Variants in FBXO42 observed in about 807,000 individuals in gnomAD.
FBXO42 encodes the protein F-box protein 42.
FBXO42 carries 12 observed loss-of-function variants against 71.7 expected under a neutral mutation model. That is an observed-to-expected ratio of 0.17 (90% confidence interval 0.11 to 0.27). The LOEUF (loss-of-function observed/expected upper bound fraction) is 0.27. FBXO42 is among the 10% of genes least tolerant of loss of function. The pLI, the probability that FBXO42 is intolerant of heterozygous loss-of-function variation, is 1.00. For synonymous variants in FBXO42, 325 were observed against 327.5 expected, an observed-to-expected ratio of 0.99 and a Z score of 0.08; for missense variants, 707 against 911.9, an observed-to-expected ratio of 0.78 and a Z score of 2.89.
chr1:16,273,583 A>G (rs1569841728), intron 4 of FBXO42, among the ~76,000 whole-genome samples: 1 of 151,902 alleles, frequency 6.6e-6, no homozygotes, highest in Middle Eastern at 3.4e-3. Context: ...AACAACTTAA[A>G]AAAAAAAAAA....
At chr1:16,279,530 A>AT (rs2081938442) in intron 4 of FBXO42, among the ~76,000 whole-genome samples, 1 of 152,216 alleles carries the variant, frequency 6.6e-6, no homozygotes, top group Non-Finnish European at 1.5e-5. Flanking sequence ...AATCATGTTG[A>AT]TATCTAAAAA....
At chr1:16,334,355 C>A (rs1331292710) in intron 1 of FBXO42, among the ~76,000 whole-genome samples, 1 of 150,268 alleles carries the variant, frequency 6.7e-6, no homozygotes, top group Non-Finnish European at 1.5e-5. Flanking sequence ...ATGGCGTGAA[C>A]CCGGGAGGCG....
intron 1 of FBXO42, among the ~76,000 whole-genome samples, chr1:16,317,605 A>G (rs983533757): frequency 2.0e-3 from 157 of 79,856 alleles, no homozygotes; most frequent in African/African-American, 7.0e-3. Context: ...AAACAAGCAA[A>G]CAAACAAACA....
intron 1 of FBXO42, among the ~76,000 whole-genome samples, chr1:16,340,807 C>A (rs147278771): frequency 3.3e-5 from 5 of 152,226 alleles, no homozygotes; most frequent in Non-Finnish European, 7.3e-5. Context: ...TATTATAGAA[C>A]AACTGAACCC....
intron 4 of FBXO42, among the ~76,000 whole-genome samples, chr1:16,267,067 A>C (rs2081784363): frequency 6.6e-6 from 1 of 152,204 alleles, no homozygotes; most frequent in Non-Finnish European, 1.5e-5. Context: ...ACACTTCAAA[A>C]TTCATGAGTA....
chr1:16,287,715 G>A (rs1225626564), intron 4 of FBXO42, among the ~76,000 whole-genome samples: 3 of 152,178 alleles, frequency 2.0e-5, no homozygotes. Context: ...CTCCTGAAGT[G>A]CTAGGATTAC....
At chr1:16,327,437 A>G (rs568755251) in intron 1 of FBXO42, among the ~76,000 whole-genome samples, 6 of 152,328 alleles carry the variant, frequency 3.9e-5, no homozygotes, top group Admixed American at 2.0e-4. Flanking sequence ...TCAGAAGCCT[A>G]GCTGAAAAAC....
intron 4 of FBXO42, among the ~76,000 whole-genome samples, chr1:16,263,548 C>T (rs2081737270): frequency 6.6e-6 from 1 of 151,548 alleles, no homozygotes; most frequent in South Asian, 2.1e-4. Context: ...ATGGTGAAGC[C>T]CCGTCTCTAC....
At chr1:16,307,638 A>C (rs2082265702) in intron 2 of FBXO42, among the ~76,000 whole-genome samples, 1 of 152,232 alleles carries the variant, frequency 6.6e-6, no homozygotes, top group South Asian at 2.1e-4. Context: ...AGCATACAAC[A>C]ATGAACAAGT....
chr1:16,333,919 T>C (rs1569938103), intron 1 of FBXO42, among the ~76,000 whole-genome samples: 1 of 152,194 alleles, frequency 6.6e-6, no homozygotes, highest in African/African-American at 2.4e-5. Context: ...TGACCTTCTA[T>C]AAATTTGCTA....
At chr1:16,282,470 C>T (rs1286543141) in intron 4 of FBXO42, among the ~76,000 whole-genome samples, 1 of 150,782 alleles carries the variant, frequency 6.6e-6, no homozygotes, top group Admixed American at 6.6e-5. Flanking sequence ...AGGTGATCCA[C>T]CCGCCTCGGC....
rs376912380 is a variant in FBXO42, at chr1:16,260,565, A to G, written c.503-3806T>C. 2.7e-4 allele frequency among the ~76,000 whole-genome samples: 41 copies of G among 152,278 alleles called. 1 individual carries two copies. The East Asian group carries it at 5.4e-3, about 20-fold the overall frequency. On this transcript the variant is annotated intron_variant, in intron 4 of 9. Transcript: ENST00000375592. ...ATGTATTAATTAATTTAATCCTTCT[A>G]AAATTCCTAGTTTTATTCCTATTTT...
chr1:16,331,051 C>T lies in FBXO42; in HGVS notation c.-17-15616G>A, dbSNP rs189036090. Among the ~76,000 whole-genome samples, 33 of 150,370 alleles carry T rather than the reference C, an allele frequency of 2.2e-4. No individual in the cohort carries two copies. The East Asian group carries it at 6.3e-3, about 29-fold the overall frequency. ...CAGGAGAATCGCTTGAACCAGGAGG[C>T]GGAGGTTGCAGTGAGCCAAGACAGC... is the stretch of plus-strand genomic sequence containing the variant. On this transcript the variant is annotated intron_variant, in intron 1 of 9. Coordinates refer to ENST00000375592, the MANE Select transcript of FBXO42 (RefSeq NM_018994.3).
intron 2 of FBXO42, among the ~76,000 whole-genome samples, chr1:16,314,171 C>G (rs1179235775): frequency 1.3e-5 from 2 of 152,108 alleles, no homozygotes; most frequent in African/African-American, 4.8e-5. Flanking sequence ...AGGCTGGTCT[C>G]GAACTTGACC....
At position 16,250,538 on chromosome 1, in the gene FBXO42, T is replaced by C; in HGVS notation, c.*132A>G. ...ATGGAGATTTGATCCCAGCCTGGAGTGACTTCGGTTGGGAATTAAAGAGTT... is the reference window on the plus strand; with the variant it reads ...ATGGAGATTTGATCCCAGCCTGGAGCGACTTCGGTTGGGAATTAAAGAGTT... On this transcript the variant is annotated 3_prime_UTR_variant, in exon 10 of 10. Transcript: ENST00000375592. The surrounding 1 kb of genome is among the most constrained non-coding windows in gnomAD (Gnocchi z 4.7). 1.2e-6 allele frequency: 1 copy of C among 839,734 alleles called. No homozygotes were observed. The highest frequency in any genetic ancestry group is 2.6e-5 in the South Asian group (1 of 38,456). The allele number at this position is 839,734 out of a possible 1,614,324, so 52.0% of individuals were successfully genotyped here. A position where few individuals can be genotyped will look rare whatever the true frequency, so the allele number is the denominator to read the frequency against.
intron 1 of FBXO42, among the ~76,000 whole-genome samples, chr1:16,338,247 C>T (rs144489830): frequency 0.016 from 2,336 of 147,264 alleles, 36 homozygotes; most frequent in Middle Eastern, 0.054. Flanking sequence ...GACAACAGAG[C>T]GAGACTCCAT....
rs2081544493 is a variant in FBXO42, at chr1:16,247,368, C to T, written c.*3302G>A. The T allele has an allele frequency of 6.6e-6, 1 of 152,174 alleles. No homozygotes were observed. Among genetic ancestry groups the T allele is most frequent in the African/African-American group, 2.4e-5 (1 of 41,396 alleles). The allele number at this position is 152,174 out of a possible 1,614,324, so 9.4% of individuals were successfully genotyped here. On this transcript the variant is annotated 3_prime_UTR_variant, in exon 10 of 10. Coordinates refer to ENST00000375592, the MANE Select transcript of FBXO42 (RefSeq NM_018994.3). Reference sequence around the variant, plus strand: ...GCCAGGATCACCACAAGGACAAGGACAGACAGACAGACCAACCAGGAATAC... The same window carrying T: ...GCCAGGATCACCACAAGGACAAGGATAGACAGACAGACCAACCAGGAATAC...
rs200896198 is a variant in FBXO42 at position 16,279,720 on chromosome 1, T to G, written c.502+15063A>C. Among the ~76,000 whole-genome samples, 6 of 151,728 alleles carry G rather than the reference T, an allele frequency of 4.0e-5. No homozygotes were observed. The South Asian group carries it at 1.3e-3, about 32-fold the overall frequency. ...AGAGAATAACAGGAAAAGAAAGCAA[T>G]AGACTATAAAAAAGAATTACAAGGC... is the stretch of plus-strand genomic sequence containing the variant. On this transcript the variant is annotated intron_variant, in intron 4 of 9. Transcript: ENST00000375592.
At chr1:16,287,524 A>AT (rs1401464092) in intron 4 of FBXO42, among the ~76,000 whole-genome samples, 1 of 152,232 alleles carries the variant, frequency 6.6e-6, no homozygotes, top group Non-Finnish European at 1.5e-5. Flanking sequence ...ATCCATGAAT[A>AT]TTTGTTACAT....
Sources: gnomAD v4.1 joint callset for allele counts (sites outside exome capture counted in the v4.1 genomes callset) on GRCh38, gnomAD v4.1.1 for gene constraint, Gnocchi (gnomAD v3.1) non-coding constraint, MANE v1.5 for transcripts, NCBI Gene and HGNC (gene_info 2026-07-23, HGNC 2026-07-21) for gene names.